Variants in GPC6 observed in about 807,000 individuals in gnomAD.
GPC6 encodes the protein glypican 6.
GPC6 carries 14 observed loss-of-function variants against 55.2 expected under a neutral mutation model. The observed-to-expected ratio is 0.25, with a 90% CI of 0.17 to 0.40. GPC6 has a LOEUF of 0.40. Among genes scored for constraint, GPC6 ranks in the 10% least tolerant of loss-of-function variants. The pLI is 1.00. For missense variants in GPC6, 641 were observed against 708.5 expected (o/e 0.90, Z 1.08); for synonymous variants, 278 against 259.6 (o/e 1.07, Z -0.68).
At chr13:93,690,619 C>G (rs571716227) in intron 2 of GPC6, among the ~76,000 whole-genome samples, 3 of 151,886 alleles carry the variant, frequency 2.0e-5, no homozygotes, top group South Asian at 4.2e-4. Flanking sequence ...ACTTTCTAGC[C>G]CGACTCTCAA....
chr13:93,553,988 A>T (rs1712185424), intron 2 of GPC6, among the ~76,000 whole-genome samples: 1 of 150,922 alleles, frequency 6.6e-6, no homozygotes, highest in Non-Finnish European at 1.5e-5. Flanking sequence ...AAAAAAAAAA[A>T]AATACAAAAA....
chr13:93,309,933 T>G (rs1343217846), intron 1 of GPC6, among the ~76,000 whole-genome samples: 1 of 152,200 alleles, frequency 6.6e-6, no homozygotes, highest in Non-Finnish European at 1.5e-5. Context: ...GTGACCTGCT[T>G]TGGATGATTA....
chr13:93,981,737 A>G (rs1407189792), intron 3 of GPC6, among the ~76,000 whole-genome samples: 1 of 152,202 alleles, frequency 6.6e-6, no homozygotes, highest in African/African-American at 2.4e-5. Flanking sequence ...GCATTCTTCC[A>G]TTATGCTCCA....
intron 1 of GPC6, among the ~76,000 whole-genome samples, chr13:93,388,104 T>C (rs1308392289): frequency 1.3e-5 from 2 of 152,184 alleles, no homozygotes; most frequent in Non-Finnish European, 2.9e-5. Flanking sequence ...GCTTTAGAGA[T>C]GATGAAACTG....
chr13:93,533,864 T>C (rs1156554095), intron 1 of GPC6, among the ~76,000 whole-genome samples: 1 of 152,070 alleles, frequency 6.6e-6, no homozygotes, highest in East Asian at 1.9e-4. Flanking sequence ...AAGAACTTAC[T>C]TTTTCTTGGA....
intron 1 of GPC6, chr13:93,395,262 A>G: frequency 2.1e-6 from 1 of 474,346 alleles, no homozygotes; most frequent in Non-Finnish European, 4.0e-6. Context: ...CCACCACTAA[A>G]GTTTCCAGAA....
intron 4 of GPC6, among the ~76,000 whole-genome samples, chr13:94,062,059 G>A (rs1319296906): frequency 1.3e-5 from 2 of 152,106 alleles, no homozygotes; most frequent in Admixed American, 1.3e-4. Flanking sequence ...CTTGCCTACT[G>A]TGAAATTTAG....
intron 6 of GPC6, among the ~76,000 whole-genome samples, chr13:94,338,742 A>C (rs957972147): frequency 6.6e-6 from 1 of 152,178 alleles, no homozygotes; most frequent in Non-Finnish European, 1.5e-5. Flanking sequence ...AATTTCATGA[A>C]TTTTAGAAGT....
chr13:94,007,784 A>G (rs1455976993), intron 3 of GPC6, among the ~76,000 whole-genome samples: 1 of 152,072 alleles, frequency 6.6e-6, no homozygotes, highest in Non-Finnish European at 1.5e-5. Context: ...CTCATTCATG[A>G]TAAATGTTGC....
At chr13:93,471,581 T>C (rs1879118887) in intron 1 of GPC6, among the ~76,000 whole-genome samples, 1 of 152,200 alleles carries the variant, frequency 6.6e-6, no homozygotes. Context: ...TCTGTCACTA[T>C]ATTTTCATTG....
chr13:93,580,317 A>G (rs751340350), intron 2 of GPC6, among the ~76,000 whole-genome samples: 9 of 152,194 alleles, frequency 5.9e-5, no homozygotes, highest in Non-Finnish European at 1.2e-4. Context: ...ATACCATGAC[A>G]TTGAAGGTTA....
intron 1 of GPC6, among the ~76,000 whole-genome samples, chr13:93,534,687 T>G (rs1218552197): frequency 5.3e-5 from 8 of 152,204 alleles, no homozygotes; most frequent in Non-Finnish European, 8.8e-5. Context: ...AAATATCTTG[T>G]GAAGAGCAAC....
chr13:93,935,077 CG>C (rs1878365898), intron 3 of GPC6, among the ~76,000 whole-genome samples: 1 of 151,998 alleles, frequency 6.6e-6, no homozygotes, highest in Non-Finnish European at 1.5e-5. Context: ...CTTGTTAATA[CG>C]GCCTCTATGA....
intron 4 of GPC6, among the ~76,000 whole-genome samples, chr13:94,118,814 A>G (rs1468286488): frequency 6.6e-6 from 1 of 152,066 alleles, no homozygotes; most frequent in African/African-American, 2.4e-5. Context: ...ATGTTGTTCT[A>G]GCAGAAAGAG....
intron 4 of GPC6, among the ~76,000 whole-genome samples, chr13:94,266,151 C>CTTTTTTTTTTTTTT (rs111623457): frequency 1.4e-5 from 2 of 142,818 alleles, no homozygotes; most frequent in Non-Finnish European, 1.5e-5. Flanking sequence ...CTTTTCTTTT[C>CTTTTTTTTTTTTTT]TTTTTTTTTT....
intron 1 of GPC6, among the ~76,000 whole-genome samples, chr13:93,283,620 A>G (rs116974532): frequency 6.6e-6 from 1 of 152,352 alleles, no homozygotes; most frequent in East Asian, 1.9e-4. Context: ...AGGGACAGGT[A>G]CACAGTTTGG....
intron 1 of GPC6, among the ~76,000 whole-genome samples, chr13:93,363,537 T>A (rs1381843367): frequency 1.3e-5 from 2 of 151,612 alleles, no homozygotes; most frequent in African/African-American, 2.4e-5. Flanking sequence ...TCTATCATTG[T>A]TGGACATTTG....
intron 1 of GPC6, among the ~76,000 whole-genome samples, chr13:93,276,409 T>C (rs1566275744): frequency 6.6e-6 from 1 of 151,258 alleles, no homozygotes; most frequent in East Asian, 2.0e-4. Flanking sequence ...GTACTTTGAG[T>C]TTAGTCAGGA....
chr13:93,430,632 C>T (rs1216771023), intron 1 of GPC6, among the ~76,000 whole-genome samples: 2 of 152,100 alleles, frequency 1.3e-5, no homozygotes, highest in African/African-American at 4.8e-5. Flanking sequence ...CACTGGCAGC[C>T]ATACTGAGTA....
Sources: allele counts gnomAD v4.1 joint callset (sites outside exome capture counted in the v4.1 genomes callset), GRCh38; gene constraint gnomAD v4.1.1; transcripts MANE v1.5; gene names NCBI Gene and HGNC (gene_info 2026-07-23, HGNC 2026-07-21).